HMCN1: variants seen among roughly 807,000 people sequenced by gnomAD.
HMCN1 encodes hemicentin 1.
A neutral mutation model predicts 625.9 loss-of-function variants in HMCN1; 321 were observed. That is an observed-to-expected ratio of 0.51 (90% CI 0.47 to 0.56). HMCN1 has a LOEUF of 0.56. Ranked by LOEUF, HMCN1 falls within the 20% of genes least tolerant of loss-of-function variation. The pLI is 0.00. For missense variants in HMCN1, 6,588 were observed against 6,887.3 expected, an observed-to-expected ratio of 0.96 and a Z score of 1.54; for synonymous variants, 2,425 against 2,417.6, an observed-to-expected ratio of 1.00 and a Z score of -0.09.
At chr1:185,878,647 A>C (rs1257507942) in intron 4 of HMCN1, among the ~76,000 whole-genome samples, 1 of 152,106 alleles carries the variant, frequency 6.6e-6, no homozygotes, top group Admixed American at 6.5e-5. Flanking sequence ...AATATTTTGT[A>C]GAGGATTTTG....
chr1:185,953,741 G>A (rs546244228), intron 11 of HMCN1, among the ~76,000 whole-genome samples: 16 of 151,900 alleles, frequency 1.1e-4, no homozygotes, highest in African/African-American at 3.4e-4. Context: ...GAGGTCCCCC[G>A]ATCCGAGTCA....
intron 86 of HMCN1, among the ~76,000 whole-genome samples, chr1:186,136,349 A>G (rs1649602093): frequency 1.3e-5 from 2 of 152,208 alleles, no homozygotes. Flanking sequence ...AATCCTCTGA[A>G]GTAGGCACCA....
At chr1:186,063,096 A>ATATATATATATATGTATATATATATG (rs1185102259) in intron 48 of HMCN1, among the ~76,000 whole-genome samples, 5 of 115,426 alleles carry the variant, frequency 4.3e-5, no homozygotes, top group Non-Finnish European at 5.1e-5. Flanking sequence ...ATATATATAT[A>ATATATATATATATGTATATATATATG]TATATATCAC....
At chr1:186,140,051 A>G (rs1649852763) in intron 89 of HMCN1, among the ~76,000 whole-genome samples, 1 of 152,164 alleles carries the variant, frequency 6.6e-6, no homozygotes, top group Non-Finnish European at 1.5e-5. Flanking sequence ...TCTAGGTGAA[A>G]TTTTGTGTAT....
chr1:185,752,174 T>C (rs180842676), intron 1 of HMCN1, among the ~76,000 whole-genome samples: 4 of 152,174 alleles, frequency 2.6e-5, no homozygotes, highest in African/African-American at 9.7e-5. Flanking sequence ...TTATCTGTTA[T>C]ATGTTTCTGG....
intron 1 of HMCN1, among the ~76,000 whole-genome samples, chr1:185,804,390 A>G (rs911307271): frequency 1.5e-4 from 23 of 152,022 alleles, no homozygotes; most frequent in Non-Finnish European, 2.4e-4. Flanking sequence ...TGGAATGTTT[A>G]TTACCTAAAC....
chr1:185,917,798 G>A (rs1175420930), intron 6 of HMCN1, among the ~76,000 whole-genome samples: 1 of 152,154 alleles, frequency 6.6e-6, no homozygotes, highest in Non-Finnish European at 1.5e-5. Context: ...CAGTAGAGCT[G>A]ACCAGGAAGA....
In HMCN1 at chr1:185,962,500, G is replaced by T. The variant is rs766831395; in HGVS notation, c.1829-18G>T. ...GATAAATTGGCATTTTTCTACATAC[G>T]TATATTTTTATTTGCAGAACCACCC... On this transcript the variant is annotated intron_variant, in intron 11 of 106. Coordinates refer to ENST00000271588, the MANE Select transcript of HMCN1 (RefSeq NM_031935.3). 2 of 1,609,658 alleles carry T rather than the reference G, an allele frequency of 1.2e-6. No individual in the cohort carries two copies. The highest frequency in any genetic ancestry group is 1.7e-5 in the Admixed American group (1 of 59,956).
chr1:185,964,431 C>T (rs759019257), intron 13 of HMCN1, among the ~76,000 whole-genome samples: 1 of 152,038 alleles, frequency 6.6e-6, no homozygotes, highest in Non-Finnish European at 1.5e-5. Context: ...GGTTATAAAT[C>T]GTGAATAATC....
chr1:186,005,426 GTTT>G (rs1653544154), intron 29 of HMCN1, among the ~76,000 whole-genome samples: 1 of 137,148 alleles, frequency 7.3e-6, no homozygotes, highest in South Asian at 2.2e-4. Context: ...TTATAAACAA[GTTT>G]TTAATTGTTT....
intron 11 of HMCN1, among the ~76,000 whole-genome samples, chr1:185,952,511 G>A (rs1294790304): frequency 1.3e-5 from 2 of 151,796 alleles, no homozygotes; most frequent in Non-Finnish European, 2.9e-5. Flanking sequence ...AGGGACTGAT[G>A]TGTAAAAGAA....
At chr1:185,927,137 T>A (rs1667318736) in intron 9 of HMCN1, among the ~76,000 whole-genome samples, 1 of 152,218 alleles carries the variant, frequency 6.6e-6, no homozygotes, top group Admixed American at 6.5e-5. Flanking sequence ...TCAGTTTCTG[T>A]TCTAAAATTT....
intron 12 of HMCN1, among the ~76,000 whole-genome samples, chr1:185,963,364 G>A (rs140842151): frequency 2.7e-4 from 41 of 152,164 alleles, no homozygotes; most frequent in African/African-American, 6.3e-4. Context: ...GTGATGAACC[G>A]TTTACTATAG....
chr1:186,101,342 C>G (rs189489829), intron 68 of HMCN1, among the ~76,000 whole-genome samples: 1 of 152,064 alleles, frequency 6.6e-6, no homozygotes, highest in East Asian at 1.9e-4. Flanking sequence ...GCTTATGTGA[C>G]TAATTGGTAA....
intron 2 of HMCN1, among the ~76,000 whole-genome samples, chr1:185,853,367 C>A (rs767835678): frequency 4.6e-5 from 7 of 152,072 alleles, no homozygotes; most frequent in African/African-American, 7.2e-5. Flanking sequence ...TAAACTCATG[C>A]ACACTTTGGG....
chr1:186,032,252 G>T (rs1156384030), intron 36 of HMCN1, among the ~76,000 whole-genome samples: 1 of 151,832 alleles, frequency 6.6e-6, no homozygotes, highest in Non-Finnish European at 1.5e-5. Flanking sequence ...GTGGGCAAAG[G>T]ATGTGAATAG....
chr1:186,121,845 T>G (rs545162671), intron 80 of HMCN1, among the ~76,000 whole-genome samples: 1 of 152,274 alleles, frequency 6.6e-6, no homozygotes, highest in South Asian at 2.1e-4. Context: ...GTGCATTGTT[T>G]CAAGGTCTGA....
intron 1 of HMCN1, among the ~76,000 whole-genome samples, chr1:185,760,196 A>C (rs1029071206): frequency 6.6e-6 from 1 of 152,230 alleles, no homozygotes; most frequent in African/African-American, 2.4e-5. Flanking sequence ...TTGTATAAAT[A>C]GTCCAGAAAA....
At chr1:185,784,180 C>T (rs1657383852) in intron 1 of HMCN1, among the ~76,000 whole-genome samples, 1 of 152,220 alleles carries the variant, frequency 6.6e-6, no homozygotes, top group African/African-American at 2.4e-5. Context: ...TCCTGGTGTG[C>T]TGTTTGCTAA....
Sources: allele counts gnomAD v4.1 joint callset (sites outside exome capture counted in the v4.1 genomes callset), GRCh38; gene constraint gnomAD v4.1.1; transcripts MANE v1.5; gene names NCBI Gene and HGNC (gene_info 2026-07-23, HGNC 2026-07-21).